Variants in UBE3C observed in about 807,000 individuals in gnomAD.
UBE3C encodes the protein ubiquitin-protein ligase E3C.
A neutral mutation model predicts 129.4 loss-of-function variants in UBE3C; 42 were observed. The ratio of observed to expected loss-of-function variants is 0.32; its 90% confidence interval spans 0.25 to 0.42. The LOEUF (loss-of-function observed/expected upper bound fraction) is 0.42. UBE3C is among the 10% of genes least tolerant of loss of function. The probability of loss-of-function intolerance (pLI) is 1.00; values close to 1 mark genes in which losing one functional copy is unlikely to be tolerated. For missense variants in UBE3C, 1,049 were observed against 1,319.1 expected, an observed-to-expected ratio of 0.80 and a Z score of 3.17; for synonymous variants, 510 against 492.4, an observed-to-expected ratio of 1.04 and a Z score of -0.47.
intron 6 of UBE3C, among the ~76,000 whole-genome samples, chr7:157,180,904 G>C (rs1808649662): frequency 6.6e-6 from 1 of 152,354 alleles, no homozygotes; most frequent in East Asian, 1.9e-4. Flanking sequence ...AGGGCGGGAT[G>C]CAGGACTGCC....
chr7:157,248,935 C>G (rs1796550799), intron 19 of UBE3C, among the ~76,000 whole-genome samples: 1 of 152,188 alleles, frequency 6.6e-6, no homozygotes, highest in Admixed American at 6.5e-5. Flanking sequence ...TCACTCCTTG[C>G]CCGCTCAGAG....
Position 157,256,897 on chromosome 7 carries a change from T to G in UBE3C, c.2951-17T>G. The G allele has an allele frequency of 6.2e-7, 1 of 1,613,832 alleles. No individual in the cohort carries two copies. The highest frequency in any genetic ancestry group is 8.5e-7 in the Non-Finnish European group (1 of 1,179,808). Reference sequence around the variant, plus strand: ...TGTGCTTTGCATTTCATAAAGCATGTGTTCATTTTGCCATAGGAGGCTATT... The same window carrying G: ...TGTGCTTTGCATTTCATAAAGCATGGGTTCATTTTGCCATAGGAGGCTATT... On this transcript the variant is annotated splice_polypyrimidine_tract_variant and intron_variant, in intron 21 of 22. Coordinates refer to ENST00000348165, the MANE Select transcript of UBE3C (RefSeq NM_014671.3).
In UBE3C at chr7:157,178,690, G is replaced by T; in HGVS notation, c.459G>T (p.Arg153Ser). The change falls in exon 6 of 23, where the codon AGG becomes AGT. Residue 153 changes from arginine to serine, a missense_variant and splice_region_variant. Transcript: ENST00000348165. Reference protein sequence around the residue: ...QIKRLMSLCCRLLQNCNDDSL... With the variant: ...QIKRLMSLCCSLLQNCNDDSL... ...GTGAATACTTTTTTCATTTTTACAG[G>T]TTGCTGCAAAACTGTAATGATGACA... 1 of 1,611,730 alleles carries T rather than the reference G, an allele frequency of 6.2e-7. No individual in the cohort carries two copies. Among genetic ancestry groups the T allele is most frequent in the Non-Finnish European group, 8.5e-7 (1 of 1,178,312 alleles).
At chr7:157,203,373 C>A (rs757877885) in intron 11 of UBE3C, among the ~76,000 whole-genome samples, 1 of 152,120 alleles carries the variant, frequency 6.6e-6, no homozygotes, top group Non-Finnish European at 1.5e-5. Flanking sequence ...ATTTCCAAAC[C>A]AAAATACAAG....
In UBE3C at chr7:157,200,956, G is replaced by A. The variant is rs182414915; in HGVS notation, c.1332-765G>A. 4.6e-5 allele frequency among the ~76,000 whole-genome samples: 7 copies of A among 152,132 alleles called. No homozygotes were observed. The East Asian group carries it at 1.2e-3, about 25-fold the overall frequency. On this transcript the variant is annotated intron_variant, in intron 10 of 22. Transcript: ENST00000348165. ...TACATTTTTTTAGATTTATTTTTGA[G>A]ATGTTAACAGCACATTTTTTGTATT...
intron 22 of UBE3C, among the ~76,000 whole-genome samples, chr7:157,258,248 AGC>A (rs1356379052): frequency 2.6e-5 from 4 of 151,802 alleles, no homozygotes; most frequent in Non-Finnish European, 5.9e-5. Flanking sequence ...CACCATGCCC[AGC>A]TGGCATTCAC....
intron 11 of UBE3C, among the ~76,000 whole-genome samples, chr7:157,206,385 C>T (rs1809434315): frequency 6.6e-6 from 1 of 152,070 alleles, no homozygotes; most frequent in South Asian, 2.1e-4. Flanking sequence ...GCCTCAGCCT[C>T]CCAAGTAGCT....
At chr7:157,171,666 A>ATT (rs1563038931) in intron 4 of UBE3C, among the ~76,000 whole-genome samples, 2 of 25,486 alleles carry the variant, frequency 7.8e-5, no homozygotes, top group Non-Finnish European at 2.0e-4. Context: ...TATTTTATAT[A>ATT]TATATATATA....
chr7:157,214,655 A>T (rs923449287), intron 13 of UBE3C, among the ~76,000 whole-genome samples: 1 of 152,254 alleles, frequency 6.6e-6, no homozygotes, highest in Non-Finnish European at 1.5e-5. Flanking sequence ...GAACATCTTC[A>T]TACAAAAAGA....
chr7:157,224,860 T>C (rs1480557886), intron 16 of UBE3C, among the ~76,000 whole-genome samples: 3 of 152,056 alleles, frequency 2.0e-5, no homozygotes. Context: ...CTCCCTCTAC[T>C]GGATTTTTAA....
At chr7:157,225,255 T>G in intron 16 of UBE3C, 152 bp from the exon 17 acceptor site, 1 of 726,904 alleles carries the variant, frequency 1.4e-6, no homozygotes, top group Non-Finnish European at 2.1e-6. Flanking sequence ...TCTATACATT[T>G]ATTGATAAAA....
intron 9 of UBE3C, among the ~76,000 whole-genome samples, chr7:157,184,416 A>G (rs2116931605): frequency 6.6e-6 from 1 of 152,326 alleles, no homozygotes; most frequent in Non-Finnish European, 1.5e-5. Flanking sequence ...TATAGAGGAT[A>G]AATGTTATTT....
intron 18 of UBE3C, among the ~76,000 whole-genome samples, chr7:157,234,145 T>C (rs1796093576): frequency 6.6e-6 from 1 of 152,152 alleles, no homozygotes; most frequent in Middle Eastern, 3.2e-3. Flanking sequence ...GATTGTCTCT[T>C]CACTTTCATG....
chr7:157,203,715 A>G (rs1809353094), intron 11 of UBE3C, among the ~76,000 whole-genome samples: 1 of 152,228 alleles, frequency 6.6e-6, no homozygotes, highest in Non-Finnish European at 1.5e-5. Context: ...TTATTAAAAG[A>G]CAGTTTGATA....
chr7:157,264,639 T>C (rs1797027575), intron 22 of UBE3C, among the ~76,000 whole-genome samples: 1 of 152,156 alleles, frequency 6.6e-6, no homozygotes, highest in South Asian at 2.1e-4. Context: ...TGGAGTGCAA[T>C]GCGTGATCTC....
At chr7:157,207,023 T>A (rs1809452898) in intron 11 of UBE3C, among the ~76,000 whole-genome samples, 1 of 152,148 alleles carries the variant, frequency 6.6e-6, no homozygotes, top group Admixed American at 6.5e-5. Flanking sequence ...ATATGTTGAG[T>A]AGAAGGGAAG....
intron 9 of UBE3C, among the ~76,000 whole-genome samples, 154 bp from the exon 10 acceptor site, chr7:157,186,680 G>A (rs1375796095): frequency 6.6e-6 from 1 of 152,106 alleles, no homozygotes; most frequent in Admixed American, 6.6e-5. Flanking sequence ...ATCCCTAGAG[G>A]ATTTCACACT....
intron 6 of UBE3C, 27 bp from the exon 7 acceptor site, chr7:157,181,491 A>G (rs1281945281): frequency 2.6e-6 from 4 of 1,545,658 alleles, no homozygotes; most frequent in Non-Finnish European, 3.5e-6. Context: ...AAGGCACTAA[A>G]TTTTAAATAT....
intron 10 of UBE3C, among the ~76,000 whole-genome samples, chr7:157,196,368 A>G (rs1809120791): frequency 6.6e-6 from 1 of 152,220 alleles, no homozygotes; most frequent in Admixed American, 6.5e-5. Context: ...CAGAAGTGAT[A>G]ACTAAGGATG....
Sources: gnomAD v4.1 joint callset for allele counts (sites outside exome capture counted in the v4.1 genomes callset) on GRCh38, gnomAD v4.1.1 for gene constraint, MANE v1.5 for transcripts, NCBI Gene and HGNC (gene_info 2026-07-23, HGNC 2026-07-21) for gene names.